The following SEC23B variants were observed in gnomAD, a reference collection of about 807,000 sequenced individuals.
SEC23B encodes SEC23 homolog B, COPII component, also known as protein transport protein Sec23B.
Under a neutral mutation model 104.3 loss-of-function variants are expected in SEC23B, and 77 were observed. The ratio of observed to expected loss-of-function variants is 0.74; its 90% CI spans 0.61 to 0.89. The LOEUF (loss-of-function observed/expected upper bound fraction) is 0.89. Among genes scored for constraint, SEC23B ranks in the 40% least tolerant of loss-of-function variants. SEC23B has a pLI of 0.00. For missense variants in SEC23B, 885 were observed against 949.4 expected, an observed-to-expected ratio of 0.93 and a Z score of 0.89; for synonymous variants, 338 against 332.5, an observed-to-expected ratio of 1.02 and a Z score of -0.18.
intron 4 of SEC23B, among the ~76,000 whole-genome samples, chr20:18,521,725 C>G (rs188243867): frequency 2.0e-5 from 3 of 151,884 alleles, no homozygotes; most frequent in Non-Finnish European, 4.4e-5. Context: ...TCAGATGAGT[C>G]CGTAGAAAAG....
chr20:18,560,053 AAG>A (rs11470211), intron 19 of SEC23B, among the ~76,000 whole-genome samples: 103,166 of 151,620 alleles, frequency 0.68, 36,535 homozygotes, highest in Non-Finnish European at 0.8. Context: ...TCATTATTTA[AAG>A]AGTTAACTAT....
At chr20:18,527,706 A>G (rs1432021762) in intron 9 of SEC23B, 95 bp downstream of exon 9, 2 of 853,366 alleles carry the variant, frequency 2.3e-6, no homozygotes, top group African/African-American at 3.3e-5. Flanking sequence ...AGGCCAACTC[A>G]GAGAAGCTTT....
intron 3 of SEC23B, among the ~76,000 whole-genome samples, chr20:18,515,381 G>T (rs1203985666): frequency 6.6e-6 from 1 of 152,148 alleles, no homozygotes; most frequent in East Asian, 1.9e-4. Flanking sequence ...CGCAATCATG[G>T]CTCACTGCAG....
In SEC23B at chr20:18,535,280, C is replaced by T. The variant is rs1293797928; in HGVS notation, c.1315-373C>T. Among the ~76,000 whole-genome samples the T allele has an allele frequency of 2.0e-5, 3 of 148,814 alleles. No homozygotes were observed. The Admixed American group carries it at 2.0e-4, about 10-fold the overall frequency. The stretch of plus-strand genomic sequence containing the variant: ...ATCCCAACACTTTGGGAGGCTGAGG[C>T]GGGAGGATTGCTTGAACCCAGGAGG... On this transcript the variant is annotated intron_variant, in intron 11 of 19. Transcript: ENST00000650089.
At chr20:18,548,014 TGATCTCAGCTCACC>T in intron 15 of SEC23B, among the ~76,000 whole-genome samples, 1 of 152,272 alleles carries the variant, frequency 6.6e-6, no homozygotes, top group Non-Finnish European at 1.5e-5. Flanking sequence ...TGCAATGGCC[TGATCTCAGCTCACC>T]GCAACCTCCC....
chr20:18,524,758 G>A, intron 5 of SEC23B, 89 bp downstream of exon 5: 1 of 1,250,320 alleles, frequency 8.0e-7, no homozygotes, highest in Non-Finnish European at 1.2e-6. Flanking sequence ...AGCCCAGGCT[G>A]GAGTTCAGTG....
chr20:18,516,849 G>A (rs750715108), intron 4 of SEC23B, among the ~76,000 whole-genome samples: 3 of 151,836 alleles, frequency 2.0e-5, no homozygotes, highest in East Asian at 3.9e-4. Flanking sequence ...CACCGCACCC[G>A]GCCACATTTT....
chr20:18,536,201 T>G (rs2060229297), intron 12 of SEC23B, among the ~76,000 whole-genome samples: 1 of 152,202 alleles, frequency 6.6e-6, no homozygotes, highest in Admixed American at 6.5e-5. Context: ...ACTACCACAA[T>G]AAAGTGAATA....
chr20:18,550,456 C>T (rs1246436843), intron 16 of SEC23B, among the ~76,000 whole-genome samples: 2 of 152,146 alleles, frequency 1.3e-5, no homozygotes, highest in Non-Finnish European at 2.9e-5. Context: ...TACGCCCAGC[C>T]ATAATTTATA....
rs57231166 is a variant in SEC23B, at chr20:18,518,582, G to GTTTTTTTTTTTTTTTTT, written c.366+2853_366+2869dup. Among the ~76,000 whole-genome samples the GTTTTTTTTTTTTTTTTT allele has an allele frequency of 1.9e-3, 175 of 92,662 alleles. 12 individuals carry two copies. Among genetic ancestry groups the GTTTTTTTTTTTTTTTTT allele is most frequent in the Admixed American group, 4.8e-3 (31 of 6,510 alleles). 60.8% of individuals were successfully genotyped at this position (92,662 alleles called of 152,430 possible). On this transcript the variant is annotated intron_variant, in intron 4 of 19. Coordinates refer to ENST00000650089, the MANE Select transcript of SEC23B (RefSeq NM_006363.6). ...AATGGGCCTGTGAGGCTGGAAGGAG[G>GTTTTTTTTTTTTTTTTT]TTTTTTTTTTTTTTTTTTTTTTTGT...
At chr20:18,517,696 C>G (rs1036514738) in intron 4 of SEC23B, among the ~76,000 whole-genome samples, 1 of 152,066 alleles carries the variant, frequency 6.6e-6, no homozygotes, top group African/African-American at 2.4e-5. Flanking sequence ...AGCGTGGGAA[C>G]CTACAGTGGG....
At chr20:18,538,273 G>A (rs1255175236) in intron 12 of SEC23B, among the ~76,000 whole-genome samples, 6 of 138,892 alleles carry the variant, frequency 4.3e-5, no homozygotes, top group Admixed American at 7.8e-5. Flanking sequence ...TTTTTGAGAC[G>A]GGGTCTCGCT....
chr20:18,521,741 A>G (rs1296858828), intron 4 of SEC23B, among the ~76,000 whole-genome samples: 1 of 152,026 alleles, frequency 6.6e-6, no homozygotes, highest in Non-Finnish European at 1.5e-5. Context: ...AAAAGGATTA[A>G]AAGGACTTAA....
At position 18,542,298 on chromosome 20, in the gene SEC23B, C is replaced by G. The variant is rs745548243; in HGVS notation, c.1407C>G (p.His469Gln). 3 of 1,614,106 alleles carry G rather than the reference C, an allele frequency of 1.9e-6. No homozygotes were observed. In the East Asian group the frequency reaches 6.7e-5, roughly 36 times the overall value. ...LGIYFEVVNQHNTPIPQGGRG... is the reference protein window; with the variant it reads ...LGIYFEVVNQQNTPIPQGGRG... ...GGTTATGGCCTCTCATCCTACAGCACAACACCCCGATCCCCCAAGGAGGCA... is the reference window on the plus strand; with the variant it reads ...GGTTATGGCCTCTCATCCTACAGCAGAACACCCCGATCCCCCAAGGAGGCA... Residue 469 changes from histidine to glutamine, a missense_variant and splice_region_variant, in exon 13 of 20, where the codon CAC (histidine) becomes CAG (glutamine). Coordinates refer to ENST00000650089, the MANE Select transcript of SEC23B (RefSeq NM_006363.6).
intron 9 of SEC23B, among the ~76,000 whole-genome samples, chr20:18,529,237 C>T (rs569194929): frequency 2.0e-5 from 3 of 152,156 alleles, no homozygotes; most frequent in Admixed American, 1.3e-4. Context: ...TGTATGTGAC[C>T]AAAGAGTGGA....
Position 18,510,768 on chromosome 20 carries a change from A to G in SEC23B, c.-14-54A>G, listed in dbSNP as rs1600223871. ...TTACATGACCCATCTTCTTTTTTTG[A>G]CATTTAGTTCAGAATTTCACATACC... is the stretch of plus-strand genomic sequence containing the variant. On this transcript the variant is annotated intron_variant, in intron 1 of 19. Coordinates refer to ENST00000650089, the MANE Select transcript of SEC23B (RefSeq NM_006363.6). 2.9e-6 allele frequency: 4 copies of G among 1,377,324 alleles called. No homozygotes were observed. The Admixed American group carries it at 6.9e-5, about 24-fold the overall frequency. 85.3% of individuals were successfully genotyped at this position (1,377,324 alleles called of 1,614,324 possible). A position where few individuals can be genotyped will look rare whatever the true frequency, so the allele number is the denominator to read the frequency against.
chr20:18,518,600 T>TTTTG (rs2060055074), intron 4 of SEC23B, among the ~76,000 whole-genome samples: 1 of 145,670 alleles, frequency 6.9e-6, no homozygotes, highest in East Asian at 2.1e-4. Context: ...TTTTTTTTTT[T>TTTTG]TTTTTGTCTA....
At chr20:18,558,226 C>G (rs1423913979) in intron 19 of SEC23B, among the ~76,000 whole-genome samples, 1 of 152,124 alleles carries the variant, frequency 6.6e-6, no homozygotes, top group Non-Finnish European at 1.5e-5. Flanking sequence ...CTTCCTCTGG[C>G]CTTTATGGTT....
At chr20:18,551,527 A>G (rs1017396832) in intron 17 of SEC23B, among the ~76,000 whole-genome samples, 9 of 152,164 alleles carry the variant, frequency 5.9e-5, no homozygotes, top group Non-Finnish European at 1.2e-4. Context: ...CAGCCTGACC[A>G]ACATGGCAAA....
Sources: gnomAD v4.1 joint callset for allele counts (sites outside exome capture counted in the v4.1 genomes callset) on GRCh38, gnomAD v4.1.1 for gene constraint, MANE v1.5 for transcripts, NCBI Gene and HGNC (gene_info 2026-07-23, HGNC 2026-07-21) for gene names.